POLA1: variants seen among roughly 807,000 people sequenced by gnomAD.
POLA1 encodes DNA polymerase alpha 1, catalytic subunit, also known as DNA polymerase alpha catalytic subunit.
In POLA1, 15 loss-of-function variants were observed where a neutral mutation model predicts 124.0. The ratio of observed to expected loss-of-function variants is 0.12; its 90% CI spans 0.08 to 0.19. POLA1 has a LOEUF of 0.19. Among genes scored for constraint, POLA1 ranks in the 10% least tolerant of loss-of-function variants. The probability of loss-of-function intolerance (pLI) is 1.00; values close to 1 mark genes in which losing one functional copy is unlikely to be tolerated. For synonymous variants in POLA1, 408 were observed against 389.4 expected, an observed-to-expected ratio of 1.05 and a Z score of -0.56; for missense variants, 886 against 1,103.4, an observed-to-expected ratio of 0.80 and a Z score of 2.79.
chrX:24,884,798 G>A (rs749915601), intron 34 of POLA1, among the ~76,000 whole-genome samples: 10 of 112,299 alleles, frequency 8.9e-5, no homozygotes, highest in African/African-American at 2.6e-4. Context: ...TTAACAGATA[G>A]TAAGTACAAA....
At chrX:24,807,588 A>G (rs967513718) in intron 26 of POLA1, among the ~76,000 whole-genome samples, 4 of 112,344 alleles carry the variant, frequency 3.6e-5, no homozygotes, top group African/African-American at 6.5e-5. Context: ...TACAGGACCT[A>G]TCAGTCACCT....
In POLA1 at chrX:24,726,073, A is replaced by G; in HGVS notation, c.1392+18A>G. The G allele has an allele frequency of 1.0e-6, 1 of 997,763 alleles. No homozygotes were observed. Among genetic ancestry groups the G allele is most frequent in the Non-Finnish European group, 1.4e-6 (1 of 711,514 alleles). The allele number at this position is 997,763 out of a possible 1,213,427, so 82.2% of individuals were successfully genotyped here. A position where few individuals can be genotyped will look rare whatever the true frequency, so the allele number is the denominator to read the frequency against. On this transcript the variant is annotated intron_variant, in intron 13 of 36. Coordinates refer to ENST00000379068, the MANE Select transcript of POLA1 (RefSeq NM_001330360.2). ...AATACTCGGTAAGTCAAACAAAGAA[A>G]ATTACTGGGTTTTGCTTGAGAATGA...
chrX:24,851,199 T>G (rs771572909), intron 34 of POLA1, among the ~76,000 whole-genome samples: 1 of 112,444 alleles, frequency 8.9e-6, no homozygotes, highest in South Asian at 3.7e-4. Flanking sequence ...CAGCACAGAA[T>G]ATTACAATAG....
chrX:24,765,203 C>A (rs1932872433), intron 26 of POLA1, among the ~76,000 whole-genome samples: 1 of 110,855 alleles, frequency 9.0e-6, no homozygotes, highest in South Asian at 3.9e-4. Flanking sequence ...CTGGAATGCT[C>A]CTTCCCAGGC....
At chrX:24,917,292 A>G (rs1052815639) in intron 35 of POLA1, among the ~76,000 whole-genome samples, 14 of 110,324 alleles carry the variant, frequency 1.3e-4, no homozygotes, top group African/African-American at 4.6e-4. Flanking sequence ...TCTGAAAGAA[A>G]AAAAAAAAAA....
intron 35 of POLA1, among the ~76,000 whole-genome samples, chrX:24,892,955 G>A (rs1459272717): frequency 8.9e-6 from 1 of 111,874 alleles, no homozygotes; most frequent in Non-Finnish European, 1.9e-5. Flanking sequence ...TATTATAACA[G>A]AACACATAAT....
chrX:24,811,706 T>C (rs1490598642), intron 28 of POLA1, among the ~76,000 whole-genome samples: 1 of 110,427 alleles, frequency 9.1e-6, no homozygotes, highest in Admixed American at 9.6e-5. Flanking sequence ...CTAAGTGTTA[T>C]ATGTTTAAGA....
At chrX:24,809,295 G>A (rs1465427401) in intron 26 of POLA1, among the ~76,000 whole-genome samples, 3 of 111,179 alleles carry the variant, frequency 2.7e-5, no homozygotes, top group African/African-American at 9.8e-5. Flanking sequence ...TTCTATCCAC[G>A]TTGTAACCTA....
intron 30 of POLA1, 127 bp from the exon 31 acceptor site, chrX:24,821,325 A>G (rs2046083630): frequency 2.2e-6 from 1 of 457,940 alleles, no homozygotes. Flanking sequence ...AATATTTTCT[A>G]CATACAGCTT....
At chrX:24,789,456 G>A (rs1485193832) in intron 26 of POLA1, among the ~76,000 whole-genome samples, 1 of 111,477 alleles carries the variant, frequency 9.0e-6, no homozygotes, top group Non-Finnish European at 1.9e-5. Context: ...AGCCAAGGAG[G>A]TAGAAGGCCT....
At chrX:24,804,057 A>T (rs1309976156) in intron 26 of POLA1, among the ~76,000 whole-genome samples, 1 of 109,487 alleles carries the variant, frequency 9.1e-6, no homozygotes, top group Admixed American at 9.9e-5. Context: ...AGGTGGTAAT[A>T]TCACCCCAAT....
intron 29 of POLA1, among the ~76,000 whole-genome samples, chrX:24,813,129 C>A (rs1003300956): frequency 9.0e-6 from 1 of 110,974 alleles, no homozygotes; most frequent in African/African-American, 3.3e-5. Context: ...TAAGGGTAAA[C>A]CTTCACACTT....
intron 32 of POLA1, among the ~76,000 whole-genome samples, chrX:24,835,302 T>C (rs1407918708): frequency 9.0e-6 from 1 of 110,892 alleles, no homozygotes; most frequent in Non-Finnish European, 1.9e-5. Context: ...TTCTCCTGCC[T>C]TGACCTCCCA....
At chrX:24,762,072 T>C (rs1932806194) in intron 26 of POLA1, among the ~76,000 whole-genome samples, 1 of 112,304 alleles carries the variant, frequency 8.9e-6, no homozygotes, top group African/African-American at 3.2e-5. Flanking sequence ...AAGTCATCCA[T>C]TCTGCCTTTG....
At chrX:24,819,070 T>A (rs766812939) in intron 30 of POLA1, among the ~76,000 whole-genome samples, 2 of 112,524 alleles carry the variant, frequency 1.8e-5, no homozygotes, top group Non-Finnish European at 3.8e-5. Flanking sequence ...GAACTTTTCC[T>A]GTTCTCTTAT....
At chrX:24,798,375 C>T (rs2045647805) in intron 26 of POLA1, among the ~76,000 whole-genome samples, 1 of 110,840 alleles carries the variant, frequency 9.0e-6, no homozygotes. Flanking sequence ...CCTCTGCCAC[C>T]CCAGAGTCAG....
chrX:24,917,708 C>G (rs1482466447), intron 35 of POLA1, among the ~76,000 whole-genome samples: 1 of 111,673 alleles, frequency 9.0e-6, no homozygotes, highest in East Asian at 2.8e-4. Context: ...TCCTCAGAGC[C>G]TAGCAGCCAT....
intron 26 of POLA1, chrX:24,775,368 T>C (rs1602368234): frequency 8.9e-6 from 1 of 112,250 alleles, no homozygotes; most frequent in African/African-American, 3.2e-5. Context: ...TGGGTTAATA[T>C]GTTTTAGAGA....
intron 26 of POLA1, among the ~76,000 whole-genome samples, chrX:24,767,059 T>C (rs977134137): frequency 1.8e-5 from 2 of 111,747 alleles, no homozygotes; most frequent in Non-Finnish European, 3.8e-5. Flanking sequence ...TGAATTCACA[T>C]GTAGAGAGGA....
Sources: gnomAD v4.1 joint callset for allele counts (sites outside exome capture counted in the v4.1 genomes callset) on GRCh38, gnomAD v4.1.1 for gene constraint, MANE v1.5 for transcripts, NCBI Gene and HGNC (gene_info 2026-07-23, HGNC 2026-07-21) for gene names.